Variants in IPCEF1 observed in about 807,000 individuals in gnomAD.
The protein encoded by IPCEF1 is interactor protein for cytohesin exchange factors 1.
IPCEF1 carries 31 observed loss-of-function variants against 50.9 expected under a neutral mutation model. That is an observed-to-expected ratio of 0.61 (90% CI 0.46 to 0.82). IPCEF1 has a LOEUF of 0.82. Ranked by LOEUF, IPCEF1 falls within the 40% of genes least tolerant of loss-of-function variation. The pLI is 0.00. For missense variants in IPCEF1, 458 were observed against 514.0 expected (o/e 0.89, Z 1.05); for synonymous variants, 181 against 192.0 (o/e 0.94, Z 0.47).
At position 154,268,152 on chromosome 6, in the gene IPCEF1, G is replaced by A. The variant is rs139132328; in HGVS notation, c.-17-2188C>T. 3.6e-3 allele frequency among the ~76,000 whole-genome samples: 555 copies of A among 152,322 alleles called. 1 individual carries two copies. The highest frequency in any genetic ancestry group is 6.5e-3 in the Non-Finnish European group (440 of 68,026). ...CGTTCATGGTGCCTGGGCTTGTGGGGACTTTGCTCCCATCAGAGCAGGCAC... is the reference window on the plus strand; with the variant it reads ...CGTTCATGGTGCCTGGGCTTGTGGGAACTTTGCTCCCATCAGAGCAGGCAC... On this transcript the variant is annotated intron_variant, in intron 2 of 11. Transcript: ENST00000367220.
chr6:154,309,790 G>A (rs1783032578), intron 1 of IPCEF1, among the ~76,000 whole-genome samples: 1 of 148,290 alleles, frequency 6.7e-6, no homozygotes, highest in African/African-American at 2.5e-5. Flanking sequence ...TTTAGATGGA[G>A]TCTTGCTCTG....
In IPCEF1 at chr6:154,251,629, T is replaced by C. The variant is rs117245561; in HGVS notation, c.37-4141A>G. 8.9e-3 allele frequency among the ~76,000 whole-genome samples: 1,355 copies of C among 152,270 alleles called. 14 individuals are homozygous for C. The highest frequency in any genetic ancestry group is 0.02 in the Middle Eastern group (6 of 294). On this transcript the variant is annotated intron_variant, in intron 3 of 11. Transcript: ENST00000367220. ...AAATGGTAAAGTGAAAATAGGTATT[T>C]CAAGAATAAAACTCTGCATAGTAAA...
At chr6:154,165,086 C>T in intron 11 of IPCEF1, among the ~76,000 whole-genome samples, 1 of 152,182 alleles carries the variant, frequency 6.6e-6, no homozygotes. Flanking sequence ...CTTGTCTACA[C>T]TCCTACTTTG....
At chr6:154,207,142 C>A (rs998064517) in intron 9 of IPCEF1, among the ~76,000 whole-genome samples, 1 of 152,202 alleles carries the variant, frequency 6.6e-6, no homozygotes, top group Admixed American at 6.5e-5. Context: ...AGGGCCTCAA[C>A]TAGGCAGTGG....
At chr6:154,241,629 C>A (rs1780602642) in intron 5 of IPCEF1, among the ~76,000 whole-genome samples, 1 of 152,132 alleles carries the variant, frequency 6.6e-6, no homozygotes, top group Non-Finnish European at 1.5e-5. Flanking sequence ...GCGTAGTGCG[C>A]CCTACATTCT....
In IPCEF1 at chr6:154,254,463, C is replaced by T. The variant is rs533270827; in HGVS notation, c.37-6975G>A. On this transcript the variant is annotated intron_variant, in intron 3 of 11. Transcript: ENST00000367220. ...AACAACCAGATCTTGTGAAAACTCACTCAATATCATGAGAACAGCATGGTG... is the reference window on the plus strand; with the variant it reads ...AACAACCAGATCTTGTGAAAACTCATTCAATATCATGAGAACAGCATGGTG... Among the ~76,000 whole-genome samples the T allele has an allele frequency of 5.9e-5, 9 of 152,294 alleles. No individual in the cohort carries two copies. In the East Asian group the frequency reaches 1.2e-3, roughly 20 times the overall value.
rs916703074 is a variant in IPCEF1, at chr6:154,252,966, A to G, written c.37-5478T>C. On this transcript the variant is annotated intron_variant, in intron 3 of 11. Transcript: ENST00000367220. ...CCTTTTATTGCAGTAAGATACAGAT[A>G]CACACTTAGAAAGCACTTCAACAAT... is the stretch of plus-strand genomic sequence containing the variant. Among the ~76,000 whole-genome samples, 4 of 152,366 alleles carry G rather than the reference A, an allele frequency of 2.6e-5. No homozygotes were observed. In the East Asian group the frequency reaches 7.7e-4, roughly 29 times the overall value.
Position 154,168,091 on chromosome 6 carries a change from ATCTTCAGACAC to A in IPCEF1, c.922_932del (p.Val308Ter). On this transcript the variant is annotated frameshift_variant, in exon 11 of 12. Coordinates refer to ENST00000367220, the MANE Select transcript of IPCEF1 (RefSeq NM_001130700.2). LOFTEE classifies it high-confidence loss of function. The surrounding 1 kb of genome is among the most constrained non-coding windows in gnomAD (Gnocchi z 4.1). ...ATTTGTACAGCTTCTCCATTTCATCATCTTCAGACACTTTTGTCTCTTCTATTTGAAAAAAA... is the reference window on the plus strand; with the variant it reads ...ATTTGTACAGCTTCTCCATTTCATCATTTTGTCTCTTCTATTTGAAAAAAA... 6.4e-7 allele frequency: 1 copy of A among 1,558,366 alleles called. No individual in the cohort carries two copies. The highest frequency in any genetic ancestry group is 8.7e-7 in the Non-Finnish European group (1 of 1,144,856).
chr6:154,214,313 G>C (rs746501725), intron 7 of IPCEF1, 37 bp from the exon 8 acceptor site: 1 of 1,418,236 alleles, frequency 7.1e-7, no homozygotes, highest in South Asian at 1.1e-5. Flanking sequence ...TGACCAAAGA[G>C]ATTAGCCCCC....
chr6:154,244,432 T>G (rs1283902305), intron 5 of IPCEF1, among the ~76,000 whole-genome samples: 2 of 152,092 alleles, frequency 1.3e-5, no homozygotes, highest in Non-Finnish European at 2.9e-5. Context: ...CCTAGCCAGA[T>G]AGCGGCAAGC....
chr6:154,339,887 G>A (rs1331452792), intron 1 of IPCEF1, among the ~76,000 whole-genome samples: 2 of 152,178 alleles, frequency 1.3e-5, no homozygotes, highest in East Asian at 1.9e-4. Context: ...ATGAGCCGCC[G>A]CTCCTGGCCA....
chr6:154,287,968 CT>C (rs1222653997), intron 2 of IPCEF1, among the ~76,000 whole-genome samples: 1 of 152,232 alleles, frequency 6.6e-6, no homozygotes, highest in African/African-American at 2.4e-5. Context: ...AGACATCTTA[CT>C]GCCTGACTCA....
At chr6:154,301,146 A>G (rs916200061) in intron 1 of IPCEF1, among the ~76,000 whole-genome samples, 7 of 152,198 alleles carry the variant, frequency 4.6e-5, no homozygotes, top group African/African-American at 1.7e-4. Context: ...ATCAACATGT[A>G]GTTACACCTG....
intron 1 of IPCEF1, among the ~76,000 whole-genome samples, chr6:154,336,760 T>C (rs1783795638): frequency 6.6e-6 from 1 of 152,128 alleles, no homozygotes; most frequent in Non-Finnish European, 1.5e-5. Context: ...TGTGCCACCA[T>C]GCACAGCTAA....
Position 154,156,008 on chromosome 6 carries a change from C to G in IPCEF1, c.*3820G>C, listed in dbSNP as rs1301397552. ...AGGTCAAAGGACCAACCTCTAATCA[C>G]TAAGTTTGGTCTCTAACATTTGACA... On this transcript the variant is annotated 3_prime_UTR_variant, in exon 12 of 12. Coordinates refer to ENST00000367220, the MANE Select transcript of IPCEF1 (RefSeq NM_001130700.2). 2 of 152,204 alleles carry G rather than the reference C, an allele frequency of 1.3e-5. No homozygotes were observed. The highest frequency in any genetic ancestry group is 3.8e-4 in the East Asian group (2 of 5,198). The allele number at this position is 152,204 out of a possible 1,614,324, so 9.4% of individuals were successfully genotyped here. A position where few individuals can be genotyped will look rare whatever the true frequency, so the allele number is the denominator to read the frequency against.
chr6:154,259,601 G>A (rs889971811), intron 3 of IPCEF1, among the ~76,000 whole-genome samples: 24 of 152,246 alleles, frequency 1.6e-4, no homozygotes, highest in Admixed American at 3.9e-4. Flanking sequence ...GTGGTGAACC[G>A]AGATCGCTCC....
chr6:154,300,718 A>C (rs1782770171), intron 1 of IPCEF1, among the ~76,000 whole-genome samples: 1 of 152,218 alleles, frequency 6.6e-6, no homozygotes, highest in Non-Finnish European at 1.5e-5. Context: ...CAACACGTAA[A>C]CACCAGATTC....
intron 3 of IPCEF1, among the ~76,000 whole-genome samples, chr6:154,252,744 C>A (rs1010691588): frequency 6.6e-6 from 1 of 152,038 alleles, no homozygotes; most frequent in African/African-American, 2.4e-5. Flanking sequence ...ACCAGTTTAA[C>A]TATTGTGTGG....
At chr6:154,314,861 A>T (rs1282495854) in intron 1 of IPCEF1, among the ~76,000 whole-genome samples, 1 of 152,000 alleles carries the variant, frequency 6.6e-6, no homozygotes, top group Non-Finnish European at 1.5e-5. Context: ...TACTTTGTAA[A>T]GATGGCTTCA....
Sources: allele counts gnomAD v4.1 joint callset (sites outside exome capture counted in the v4.1 genomes callset), GRCh38; gene constraint gnomAD v4.1.1; non-coding constraint Gnocchi (gnomAD v3.1); transcripts MANE v1.5; gene names NCBI Gene and HGNC (gene_info 2026-07-23, HGNC 2026-07-21).